The following DCST1 variants were observed in gnomAD, a reference collection of about 807,000 sequenced individuals.
The protein encoded by DCST1 is E3 ubiquitin-protein ligase DCST1.
DCST1 carries 78 observed loss-of-function variants against 89.1 expected under a neutral mutation model. That is an observed-to-expected ratio of 0.88 (90% CI 0.73 to 1.06). The LOEUF (loss-of-function observed/expected upper bound fraction) is 1.06. Ranked by LOEUF, DCST1 falls within the 50% of genes least tolerant of loss-of-function variation. The pLI is 0.00. For missense variants in DCST1, 900 were observed against 928.6 expected (o/e 0.97, Z 0.40); for synonymous variants, 364 against 371.9 (o/e 0.98, Z 0.24).
chr1:155,039,633 C>T, intron 5 of DCST1, 102 bp downstream of exon 5: 1 of 1,401,296 alleles, frequency 7.1e-7, no homozygotes, highest in East Asian at 2.6e-5. Flanking sequence ...GGAGTGTCAT[C>T]CCAGCTGCTC....
intron 6 of DCST1, 41 bp from the exon 7 acceptor site, chr1:155,041,356 C>T: frequency 6.2e-7 from 1 of 1,605,644 alleles, no homozygotes. Flanking sequence ...AGTTCTAAAG[C>T]CCCAGCCCTC....
At chr1:155,042,006 A>G in intron 8 of DCST1, 149 bp downstream of exon 8, 1 of 1,112,384 alleles carries the variant, frequency 9.0e-7, no homozygotes, top group Non-Finnish European at 1.3e-6. Flanking sequence ...CCTGCTGAAT[A>G]GCTCTGTGAC....
chr1:155,034,368 C>T, intron 2 of DCST1, 67 bp from the exon 3 acceptor site: 1 of 1,611,766 alleles, frequency 6.2e-7, no homozygotes, highest in Non-Finnish European at 8.5e-7. Flanking sequence ...CCTGCAAGCC[C>T]TGAATCCTAA....
Position 155,039,414 on chromosome 1 carries a change from A to G in DCST1, c.274A>G (p.Met92Val). The change falls in exon 5 of 17, where the codon ATG becomes GTG. Residue 92 changes from methionine (M) to valine (V), a missense_variant. Transcript: ENST00000295542. ...GGCTCTCCTGACAGGCTTGGGGGCC[A>G]TGGGCTGGGGGACCTCCCCTCACAT... is the stretch of plus-strand genomic sequence containing the variant. ...FLYSLVGLGA[M>V]GWGTSPHIRC... 2 of 1,588,700 alleles carry G rather than the reference A, an allele frequency of 1.3e-6. No homozygotes were observed. Among genetic ancestry groups the G allele is most frequent in the Non-Finnish European group, 1.7e-6 (2 of 1,167,194 alleles).
At position 155,043,471 on chromosome 1, in the gene DCST1, C is replaced by T. The variant is rs750643455; in HGVS notation, c.1134C>T (p.His378=). 4.4e-5 allele frequency: 70 copies of T among 1,608,862 alleles called. No homozygotes were observed. Among genetic ancestry groups the T allele is most frequent in the Middle Eastern group, 1.8e-4 (1 of 5,632 alleles). Residue 378 remains histidine (H), a synonymous_variant, in exon 10 of 17, where the codon CAC becomes CAT. Transcript: ENST00000295542. Reference sequence around the variant, plus strand: ...TGGAGTGGGCCCTGGGGCTGCTGCACGTGCTGCTCTCCTGCACTTTCCTGC... The same window carrying T: ...TGGAGTGGGCCCTGGGGCTGCTGCATGTGCTGCTCTCCTGCACTTTCCTGC... ...ARLEWALGLL[H]VLLSCTFLLV... is the part of the protein sequence containing the mutation.
rs1377353902 is a variant in DCST1 at position 155,046,007 on chromosome 1, C to A, written c.1272+15C>A. 1 of 1,613,784 alleles carries A rather than the reference C, an allele frequency of 6.2e-7. No homozygotes were observed. The highest frequency in any genetic ancestry group is 1.7e-5 in the Admixed American group (1 of 60,026). ...GGAAGAAGCTGGTGAGTGGGCACGGCACTGCCCGGGGATGCCTTGCTGCTG... is the reference window on the plus strand; with the variant it reads ...GGAAGAAGCTGGTGAGTGGGCACGGAACTGCCCGGGGATGCCTTGCTGCTG... On this transcript the variant is annotated intron_variant, in intron 11 of 16. Transcript: ENST00000295542.
At chr1:155,036,470 C>G (rs1176457693) in intron 4 of DCST1, among the ~76,000 whole-genome samples, 1 of 152,216 alleles carries the variant, frequency 6.6e-6, no homozygotes, top group Non-Finnish European at 1.5e-5. Context: ...CAAGCATCTT[C>G]CCTCCTTATC....
chr1:155,048,169 C>T lies in DCST1; in HGVS notation c.1868C>T (p.Pro623Leu), dbSNP rs200346940. 1.5e-4 allele frequency: 246 copies of T among 1,613,470 alleles called. No homozygotes were observed. The East Asian group carries it at 3.3e-3, about 21-fold the overall frequency. ...AGGCGGGAGCGACAGCAGAAGGCTC[C>T]GGTAAGTCCAGGCGTAAGTGCTGCT... ...ILRRERQQKA[P>L]RHPLADILHR... Residue 623 changes from proline (P) to leucine (L), a missense_variant and splice_region_variant, in exon 16 of 17, where the codon CCG becomes CTG. Coordinates refer to ENST00000295542, the MANE Select transcript of DCST1 (RefSeq NM_152494.4).
Position 155,050,785 on chromosome 1 carries a change from C to A in DCST1, c.2038C>A (p.Arg680=), listed in dbSNP as rs763127826. 1 of 1,611,336 alleles carries A rather than the reference C, an allele frequency of 6.2e-7. No homozygotes were observed. ...CWSCWDDMRQ[R]CPVCTPREEL... ...GTCGTGCTGGGACGACATGCGGCAGCGGTGCCCGGTCTGCACGCCCCGCGA... is the reference window on the plus strand; with the variant it reads ...GTCGTGCTGGGACGACATGCGGCAGAGGTGCCCGGTCTGCACGCCCCGCGA... Residue 680 remains arginine (R), a synonymous_variant, in exon 17 of 17, where the codon CGG becomes AGG. Coordinates refer to ENST00000295542, the MANE Select transcript of DCST1 (RefSeq NM_152494.4).
Position 155,041,698 on chromosome 1 carries a change from T to G in DCST1, c.749-16T>G. On this transcript the variant is annotated splice_polypyrimidine_tract_variant and intron_variant, in intron 7 of 16. Coordinates refer to ENST00000295542, the MANE Select transcript of DCST1 (RefSeq NM_152494.4). ...CAAGATGTGGGAACCTCAGACACCC[T>G]TGCTCCTTCCTACAGATGTGGTGAA... 6.2e-7 allele frequency: 1 copy of G among 1,614,206 alleles called. No homozygotes were observed. Among genetic ancestry groups the G allele is most frequent in the Non-Finnish European group, 8.5e-7 (1 of 1,180,022 alleles).
At chr1:155,046,524 A>T in intron 13 of DCST1, 38 bp downstream of exon 13, 1 of 1,604,412 alleles carries the variant, frequency 6.2e-7, no homozygotes, top group Non-Finnish European at 8.5e-7. Context: ...GGCCCAAGAG[A>T]CACCCTCTGG....
chr1:155,049,790 AC>A (rs2102367933), intron 16 of DCST1, among the ~76,000 whole-genome samples: 1 of 152,310 alleles, frequency 6.6e-6, no homozygotes, highest in African/African-American at 2.4e-5. Flanking sequence ...AAAATGAAAA[AC>A]AAAAAACAAA....
At chr1:155,045,309 G>A (rs536953785) in intron 10 of DCST1, 1 of 154,380 alleles carries the variant, frequency 6.5e-6, no homozygotes, top group African/African-American at 2.4e-5. Context: ...AATACATGGG[G>A]GATAGCTATA....
At chr1:155,040,773 G>A (rs1251739748) in intron 6 of DCST1, 149 bp downstream of exon 6, 10 of 1,263,744 alleles carry the variant, frequency 7.9e-6, no homozygotes, top group Admixed American at 2.9e-5. Flanking sequence ...ATTGCAGAAC[G>A]TGCCCTGGTC....
At chr1:155,049,302 G>T in intron 16 of DCST1, 4 of 476,562 alleles carry the variant, frequency 8.4e-6, no homozygotes, top group Non-Finnish European at 1.5e-5. Flanking sequence ...CCATATGCAT[G>T]CATGTTATCA....
intron 9 of DCST1, 111 bp from the exon 10 acceptor site, chr1:155,043,241 G>A (rs1660488422): frequency 6.6e-7 from 1 of 1,521,556 alleles, no homozygotes; most frequent in Non-Finnish European, 9.0e-7. Flanking sequence ...GAGGTCCTGG[G>A]AGGGCCCCAG....
intron 6 of DCST1, 83 bp from the exon 7 acceptor site, chr1:155,041,314 T>A (rs926442347): frequency 5.5e-5 from 78 of 1,431,122 alleles, no homozygotes; most frequent in Non-Finnish European, 7.2e-5. Context: ...AAAGCTTGGC[T>A]ACTGGGGGAG....
intron 10 of DCST1, 110 bp from the exon 11 acceptor site, chr1:155,045,783 A>G (rs1454474258): frequency 2.4e-5 from 21 of 881,934 alleles, no homozygotes; most frequent in East Asian, 4.9e-5. Flanking sequence ...ATGGTGCTCA[A>G]TGAATGCTGG....
intron 8 of DCST1, 76 bp from the exon 9 acceptor site, chr1:155,042,659 A>AGGAGGACAGGCAGGCCAGGCCTGCACCT (rs1660470552): frequency 1.0e-5 from 16 of 1,601,528 alleles, no homozygotes; most frequent in African/African-American, 2.7e-5. Flanking sequence ...GGAGGACTAC[A>AGGAGGACAGGCAGGCCAGGCCTGCACCT]GGAGGACAGG....
Sources: allele counts gnomAD v4.1 joint callset (sites outside exome capture counted in the v4.1 genomes callset), GRCh38; gene constraint gnomAD v4.1.1; transcripts MANE v1.5; gene names NCBI Gene and HGNC (gene_info 2026-07-23, HGNC 2026-07-21).